ITPR2: variants seen among roughly 807,000 people sequenced by gnomAD.
ITPR2 encodes inositol 1,4,5-trisphosphate receptor type 2, also known as inositol 1,4,5-trisphosphate-gated calcium channel ITPR2.
Under a neutral mutation model 317.1 loss-of-function variants are expected in ITPR2, and 207 were observed. The ratio of observed to expected loss-of-function variants is 0.65; its 90% CI spans 0.58 to 0.73. The LOEUF is 0.73. Ranked by LOEUF, ITPR2 falls within the 30% of genes least tolerant of loss-of-function variation. The pLI is 0.00. For synonymous variants in ITPR2, 1,156 were observed against 1,149.1 expected (o/e 1.01, Z -0.12); for missense variants, 2,613 against 3,284.0 (o/e 0.80, Z 4.99).
chr12:26,734,064 G>A (rs940972536), intron 2 of ITPR2, among the ~76,000 whole-genome samples: 11 of 151,934 alleles, frequency 7.2e-5, no homozygotes, highest in East Asian at 1.9e-4. Context: ...CTTCCATAGC[G>A]TCTCCTTTTA....
intron 2 of ITPR2, among the ~76,000 whole-genome samples, chr12:26,775,128 G>T (rs1002214170): frequency 6.6e-6 from 1 of 151,838 alleles, no homozygotes; most frequent in African/African-American, 2.4e-5. Flanking sequence ...AGTCTTCCAG[G>T]GTCTGATCCA....
intron 9 of ITPR2, among the ~76,000 whole-genome samples, chr12:26,700,174 T>C (rs1475915358): frequency 6.6e-6 from 1 of 151,988 alleles, no homozygotes; most frequent in Non-Finnish European, 1.5e-5. Context: ...ATAAATAATA[T>C]AGGTCAGAGG....
intron 55 of ITPR2, among the ~76,000 whole-genome samples, chr12:26,382,225 C>A (rs1939530526): frequency 6.6e-6 from 1 of 152,158 alleles, no homozygotes; most frequent in African/African-American, 2.4e-5. Flanking sequence ...AACACTAGCT[C>A]AAAATATCAT....
Position 26,696,095 on chromosome 12 carries a change from G to T in ITPR2, c.952-445C>A, listed in dbSNP as rs915729890. Reference sequence around the variant, plus strand: ...AAAAACAAAACAGAGCAAAAAAGGAGCTACATATAAGATATGTGAGCAAAT... The same window carrying T: ...AAAAACAAAACAGAGCAAAAAAGGATCTACATATAAGATATGTGAGCAAAT... On this transcript the variant is annotated intron_variant, in intron 9 of 56. Transcript: ENST00000381340. Among the ~76,000 whole-genome samples, 3 of 152,140 alleles carry T rather than the reference G, an allele frequency of 2.0e-5. No individual in the cohort carries two copies. In the South Asian group the frequency reaches 6.2e-4, roughly 32 times the overall value.
chr12:26,606,258 A>C (rs901765228), intron 26 of ITPR2, among the ~76,000 whole-genome samples: 5 of 152,032 alleles, frequency 3.3e-5, no homozygotes, highest in Admixed American at 2.0e-4. Flanking sequence ...GATCCTTTTG[A>C]CAATAGTGAT....
At chr12:26,634,206 G>A (rs1380201062) in intron 21 of ITPR2, among the ~76,000 whole-genome samples, 2 of 152,190 alleles carry the variant, frequency 1.3e-5, no homozygotes, top group Non-Finnish European at 2.9e-5. Context: ...GTGGTGATGA[G>A]AAGTGCTAAA....
intron 37 of ITPR2, among the ~76,000 whole-genome samples, chr12:26,507,316 T>A (rs1188998343): frequency 6.6e-6 from 1 of 152,204 alleles, no homozygotes; most frequent in African/African-American, 2.4e-5. Context: ...TAGAGATGCC[T>A]GAGCTAATTA....
intron 29 of ITPR2, 68 bp from the exon 30 acceptor site, chr12:26,599,413 T>G (rs1408136349): frequency 7.5e-7 from 1 of 1,328,796 alleles, no homozygotes; most frequent in African/African-American, 1.4e-5. Flanking sequence ...GTACTTAGAC[T>G]AATTGCCCTG....
intron 1 of ITPR2, among the ~76,000 whole-genome samples, chr12:26,808,863 T>C (rs960150647): frequency 3.9e-5 from 6 of 152,186 alleles, no homozygotes; most frequent in African/African-American, 1.4e-4. Flanking sequence ...CACACTCTAT[T>C]CAACAGGCAT....
At chr12:26,690,149 C>T (rs150031147) in intron 10 of ITPR2, among the ~76,000 whole-genome samples, 65 of 152,204 alleles carry the variant, frequency 4.3e-4, no homozygotes, top group African/African-American at 1.3e-3. Context: ...GTGACTATTA[C>T]GGCAATGGGA....
chr12:26,421,384 T>G (rs1940885450), intron 49 of ITPR2: 1 of 152,214 alleles, frequency 6.6e-6, no homozygotes, highest in Admixed American at 6.5e-5. Flanking sequence ...TCTACCTATT[T>G]CTGTTGAGAT....
chr12:26,459,666 CT>C (rs150079781), intron 45 of ITPR2, among the ~76,000 whole-genome samples: 1,554 of 152,326 alleles, frequency 0.01, 22 homozygotes, highest in African/African-American at 0.035. Context: ...CTCCTTCTTT[CT>C]GTTAAAGTTT....
At chr12:26,661,539 G>A (rs1379491357) in intron 15 of ITPR2, among the ~76,000 whole-genome samples, 2 of 152,136 alleles carry the variant, frequency 1.3e-5, no homozygotes, top group Non-Finnish European at 2.9e-5. Context: ...AAGGGAAGGG[G>A]CCCCAAGTAC....
chr12:26,348,030 G>T (rs1186711560), intron 55 of ITPR2, among the ~76,000 whole-genome samples: 1 of 152,154 alleles, frequency 6.6e-6, no homozygotes, highest in African/African-American at 2.4e-5. Context: ...GTTTTTCTTG[G>T]TTACCATCCT....
intron 26 of ITPR2, among the ~76,000 whole-genome samples, chr12:26,604,067 G>C (rs1366909465): frequency 6.6e-6 from 1 of 152,136 alleles, no homozygotes; most frequent in Non-Finnish European, 1.5e-5. Context: ...CAATTGATAT[G>C]ATTTATTTGT....
intron 8 of ITPR2, among the ~76,000 whole-genome samples, 177 bp downstream of exon 8, chr12:26,715,122 G>T (rs143090400): frequency 3.9e-5 from 6 of 152,132 alleles, no homozygotes; most frequent in African/African-American, 1.4e-4. Context: ...GACAGGCTTA[G>T]GAAACAGTTT....
At chr12:26,469,184 T>G (rs1162500582) in intron 45 of ITPR2, among the ~76,000 whole-genome samples, 1 of 152,248 alleles carries the variant, frequency 6.6e-6, no homozygotes, top group Non-Finnish European at 1.5e-5. Flanking sequence ...GCTTCTTGAT[T>G]GCATTTTTAG....
chr12:26,828,294 G>T (rs1190907380), intron 1 of ITPR2, among the ~76,000 whole-genome samples: 1 of 152,138 alleles, frequency 6.6e-6, no homozygotes, highest in Non-Finnish European at 1.5e-5. Flanking sequence ...CTCTGCTTTG[G>T]TTTCATAGCC....
chr12:26,599,318 T>C lies in ITPR2; in HGVS notation c.3829A>G (p.Ile1277Val). The change falls in exon 30 of 57, where the codon ATC (isoleucine) becomes GTC (valine). Residue 1277 changes from isoleucine (I) to valine (V), a missense_variant. Coordinates refer to ENST00000381340, the MANE Select transcript of ITPR2 (RefSeq NM_002223.4). ...CACAGATGGTAATTGTTCATGAAGATGTGCCGCATGGTTTCTGCTTCAAGG... is the reference window on the plus strand; with the variant it reads ...CACAGATGGTAATTGTTCATGAAGACGTGCCGCATGGTTTCTGCTTCAAGG... The part of the protein sequence containing the change: ...GLLEAETMRH[I>V]FMNNYHLCNE... 2 of 1,614,098 alleles carry C rather than the reference T, an allele frequency of 1.2e-6. No homozygotes were observed. Among genetic ancestry groups the C allele is most frequent in the Non-Finnish European group, 1.7e-6 (2 of 1,179,924 alleles).
Sources: allele counts gnomAD v4.1 joint callset (sites outside exome capture counted in the v4.1 genomes callset), GRCh38; gene constraint gnomAD v4.1.1; transcripts MANE v1.5; gene names NCBI Gene and HGNC (gene_info 2026-07-23, HGNC 2026-07-21).